RGMA: variants seen among roughly 807,000 people sequenced by gnomAD.
RGMA encodes repulsive guidance molecule BMP co-receptor a, also known as repulsive guidance molecule A.
Under a neutral mutation model 23.2 loss-of-function variants are expected in RGMA, and 10 were observed. That is an observed-to-expected ratio of 0.43 (90% CI 0.27 to 0.73). The LOEUF is 0.73. RGMA is among the 30% of genes least tolerant of loss of function. RGMA has a pLI of 0.20. For synonymous variants in RGMA, 308 were observed against 279.3 expected (o/e 1.10, Z -1.03); for missense variants, 547 against 630.5 (o/e 0.87, Z 1.42).
At chr15:93,060,537 G>A (rs918042814) in intron 2 of RGMA, among the ~76,000 whole-genome samples, 21 of 152,340 alleles carry the variant, frequency 1.4e-4, no homozygotes, top group African/African-American at 5.1e-4. Flanking sequence ...TCCCAGACCC[G>A]ATGGGGGCGG....
At chr15:93,087,427 G>C (rs1347533530) in intron 1 of RGMA, among the ~76,000 whole-genome samples, 1 of 131,574 alleles carries the variant, frequency 7.6e-6, no homozygotes, top group Non-Finnish European at 1.6e-5. Context: ...CTTGTCACTT[G>C]CTGTGGTAAC....
chr15:93,059,072 G>A (rs2055060659), intron 2 of RGMA, among the ~76,000 whole-genome samples: 1 of 152,194 alleles, frequency 6.6e-6, no homozygotes, highest in Admixed American at 6.5e-5. Context: ...CAAACACGGA[G>A]GCTTCGGGCT....
chr15:93,081,689 G>C (rs1024500901), intron 1 of RGMA, among the ~76,000 whole-genome samples: 2 of 152,184 alleles, frequency 1.3e-5, no homozygotes, highest in African/African-American at 4.8e-5. Context: ...GGAGTATTTG[G>C]ATTAATGAAT....
chr15:93,066,778 G>A (rs1446788173), intron 2 of RGMA, among the ~76,000 whole-genome samples: 1 of 152,226 alleles, frequency 6.6e-6, no homozygotes, highest in Admixed American at 6.5e-5. Context: ...CTCCCAAAGT[G>A]CTGGGATTAC....
intron 1 of RGMA, among the ~76,000 whole-genome samples, chr15:93,080,034 T>C (rs899464283): frequency 2.0e-5 from 3 of 152,056 alleles, no homozygotes; most frequent in Non-Finnish European, 4.4e-5. Context: ...CAGAGACTCT[T>C]ATTCTTGGTA....
At position 93,043,753 on chromosome 15, in the gene RGMA, A is replaced by G. The variant is rs2054764054; in HGVS notation, c.*1245T>C. 1 of 143,166 alleles carries G rather than the reference A, an allele frequency of 7.0e-6. No homozygotes were observed. The highest frequency in any genetic ancestry group is 2.3e-4 in the East Asian group (1 of 4,420). The allele number at this position is 143,166 out of a possible 1,614,324, so 8.9% of individuals were successfully genotyped here. A position where few individuals can be genotyped will look rare whatever the true frequency, so the allele number is the denominator to read the frequency against. On this transcript the variant is annotated 3_prime_UTR_variant, in exon 4 of 4. Transcript: ENST00000329082. Reference sequence around the variant, plus strand: ...GCCAGTGTATGAGAGGTCCCTGGGGAACAGCAGAGGGGCTGCCGATGGGTG... The same window carrying G: ...GCCAGTGTATGAGAGGTCCCTGGGGGACAGCAGAGGGGCTGCCGATGGGTG...
At chr15:93,049,840 G>A (rs1017710145) in intron 3 of RGMA, among the ~76,000 whole-genome samples, 1 of 152,242 alleles carries the variant, frequency 6.6e-6, no homozygotes. Flanking sequence ...AGGGGAAAGG[G>A]GAGTGGGTTC....
chr15:93,058,437 G>A (rs1013315136), intron 2 of RGMA, among the ~76,000 whole-genome samples: 6 of 152,250 alleles, frequency 3.9e-5, no homozygotes, highest in Non-Finnish European at 7.3e-5. Context: ...GAGCAAAGCC[G>A]GGAGACTCGG....
chr15:93,077,273 A>T (rs1478005681), intron 1 of RGMA, among the ~76,000 whole-genome samples: 1 of 152,194 alleles, frequency 6.6e-6, no homozygotes, highest in Non-Finnish European at 1.5e-5. Context: ...ACTGTGGGAG[A>T]TGTAAAAAGA....
chr15:93,062,764 G>A lies in RGMA; in HGVS notation c.130+10152C>T, dbSNP rs573638209. 5 of 152,322 alleles carry A rather than the reference G, an allele frequency of 3.3e-5. No homozygotes were observed. The East Asian group carries it at 9.7e-4, about 29-fold the overall frequency. 9.4% of individuals were successfully genotyped at this position (152,322 alleles called of 1,614,324 possible). A position where few individuals can be genotyped will look rare whatever the true frequency, so the allele number is the denominator to read the frequency against. On this transcript the variant is annotated intron_variant, in intron 2 of 3. Transcript: ENST00000329082. The stretch of plus-strand genomic sequence containing the variant: ...TCTCCCACCACTTACCAGCAGCAGC[G>A]GCCCTTCTTCCCCATCAGAGTCCCG...
intron 2 of RGMA, chr15:93,065,999 G>A (rs1453216446): frequency 1.5e-5 from 19 of 1,295,510 alleles, no homozygotes; most frequent in East Asian, 7.0e-5. Flanking sequence ...TCTTTGGCCC[G>A]TTCCCCTTCT....
rs1895460408 is a variant in RGMA at position 93,075,599 on chromosome 15, G to A, written c.15-2568C>T. ...TTTTTTTTTTCAGTTGGTTCTTCTC[G>A]CAGCAGGACTTTTAACCTCTACATT... is the stretch of plus-strand genomic sequence containing the variant. On this transcript the variant is annotated intron_variant, in intron 1 of 3. Coordinates refer to ENST00000329082, the MANE Select transcript of RGMA (RefSeq NM_020211.3). Among the ~76,000 whole-genome samples, 4 of 151,508 alleles carry A rather than the reference G, an allele frequency of 2.6e-5. No homozygotes were observed. In the South Asian group the frequency reaches 8.4e-4, roughly 32 times the overall value.
At chr15:93,052,563 T>C (rs2141811087) in intron 2 of RGMA, 56 bp from the exon 3 acceptor site, 1 of 1,484,916 alleles carries the variant, frequency 6.7e-7, no homozygotes, top group Non-Finnish European at 9.0e-7. Flanking sequence ...CCCCAGCTTC[T>C]GCTACCATCT....
chr15:93,067,345 C>CA (rs1163621875), intron 2 of RGMA, among the ~76,000 whole-genome samples: 1 of 152,094 alleles, frequency 6.6e-6, no homozygotes, highest in African/African-American at 2.4e-5. Flanking sequence ...GAAACACACA[C>CA]AAAAACCCAA....
intron 1 of RGMA, among the ~76,000 whole-genome samples, chr15:93,074,490 A>G (rs1895436138): frequency 6.6e-6 from 1 of 152,256 alleles, no homozygotes. Context: ...TACCTCAGCC[A>G]GCTGTGCAAC....
intron 2 of RGMA, among the ~76,000 whole-genome samples, chr15:93,071,198 T>C (rs1005056213): frequency 6.6e-6 from 1 of 152,258 alleles, no homozygotes; most frequent in Non-Finnish European, 1.5e-5. Context: ...GCTTGATCTT[T>C]ATCTAGACCA....
intron 3 of RGMA, among the ~76,000 whole-genome samples, chr15:93,049,166 C>G (rs1242434657): frequency 6.6e-6 from 1 of 152,220 alleles, no homozygotes; most frequent in African/African-American, 2.4e-5. Context: ...CTGAAGGGGT[C>G]CTGGCCCTTT....
At position 93,038,249 on chromosome 15, in the gene RGMA, G is replaced by A. The variant is rs934220147; in HGVS notation, c.*6749C>T. ...GAGGTCTGTAGACTCCTGGTTAGAG[G>A]GTTTGGGGGGCAGGGGTCTTCCCAT... is the stretch of plus-strand genomic sequence containing the variant. On this transcript the variant is annotated 3_prime_UTR_variant, in exon 4 of 4. Transcript: ENST00000329082. 6.6e-6 allele frequency: 1 copy of A among 152,202 alleles called. No homozygotes were observed. 9.4% of individuals were successfully genotyped at this position (152,202 alleles called of 1,614,324 possible).
At chr15:93,046,919 G>A (rs2054832814) in intron 3 of RGMA, among the ~76,000 whole-genome samples, 2 of 152,142 alleles carry the variant, frequency 1.3e-5, no homozygotes, top group South Asian at 2.1e-4. Flanking sequence ...TCTCCTGAGA[G>A]CCAGACACAG....
Sources: allele counts gnomAD v4.1 joint callset (sites outside exome capture counted in the v4.1 genomes callset), GRCh38; gene constraint gnomAD v4.1.1; transcripts MANE v1.5; gene names NCBI Gene and HGNC (gene_info 2026-07-23, HGNC 2026-07-21).